PIGL: variants seen among roughly 807,000 people sequenced by gnomAD.
PIGL encodes the protein N-acetylglucosaminyl-phosphatidylinositol de-N-acetylase.
PIGL carries 22 observed loss-of-function variants against 31.1 expected under a neutral mutation model. The ratio of observed to expected loss-of-function variants is 0.71; its 90% CI spans 0.51 to 1.01. PIGL has a LOEUF of 1.01. PIGL is among the 50% of genes least tolerant of loss of function. The pLI is 0.00. For missense variants in PIGL, 302 were observed against 315.9 expected, an observed-to-expected ratio of 0.96 and a Z score of 0.33; for synonymous variants, 131 against 117.4, an observed-to-expected ratio of 1.12 and a Z score of -0.75.
chr17:16,260,510 C>G (rs1040999238), intron 2 of PIGL, among the ~76,000 whole-genome samples: 2 of 152,134 alleles, frequency 1.3e-5, no homozygotes, highest in African/African-American at 4.8e-5. Context: ...CTAAGGGCTG[C>G]AGAGATGATG....
At chr17:16,254,093 C>T (rs1396699094) in intron 2 of PIGL, among the ~76,000 whole-genome samples, 3 of 152,128 alleles carry the variant, frequency 2.0e-5, no homozygotes, top group African/African-American at 7.2e-5. Context: ...TAACACACTT[C>T]CACATTTTCC....
chr17:16,312,926 GA>G (rs767759654), intron 3 of PIGL: 6,888 of 82,720 alleles, frequency 0.083, 538 homozygotes, highest in African/African-American at 0.18. Flanking sequence ...AGGGGAGGGG[GA>G]AGGGGGGGGG....
At chr17:16,265,896 G>A (rs2092840517) in intron 2 of PIGL, among the ~76,000 whole-genome samples, 1 of 152,014 alleles carries the variant, frequency 6.6e-6, no homozygotes, top group Non-Finnish European at 1.5e-5. Flanking sequence ...AAAGTCCTGA[G>A]TATCCTGTTA....
At chr17:16,303,413 T>A (rs1452880701) in intron 3 of PIGL, among the ~76,000 whole-genome samples, 1 of 152,198 alleles carries the variant, frequency 6.6e-6, no homozygotes, top group Admixed American at 6.5e-5. Context: ...TGGAAGTCTT[T>A]CCTGTGGTGC....
At chr17:16,261,683 C>G (rs1425093335) in intron 2 of PIGL, among the ~76,000 whole-genome samples, 1 of 151,956 alleles carries the variant, frequency 6.6e-6, no homozygotes, top group Admixed American at 6.6e-5. Flanking sequence ...TGAGACCCGC[C>G]TGGAATTTGA....
At chr17:16,236,599 G>T (rs1568785343) in intron 2 of PIGL, among the ~76,000 whole-genome samples, 1 of 152,096 alleles carries the variant, frequency 6.6e-6, no homozygotes, top group Admixed American at 6.6e-5. Flanking sequence ...ACAGAGTCTT[G>T]CTCTGTTGCC....
chr17:16,271,272 T>G (rs191107654), intron 2 of PIGL, among the ~76,000 whole-genome samples: 1 of 152,286 alleles, frequency 6.6e-6, no homozygotes, highest in East Asian at 1.9e-4. Flanking sequence ...AGTCCTCAGC[T>G]CCACCTTTTG....
intron 1 of PIGL, among the ~76,000 whole-genome samples, chr17:16,226,905 C>G (rs2092654502): frequency 6.6e-6 from 1 of 152,172 alleles, no homozygotes; most frequent in African/African-American, 2.4e-5. Flanking sequence ...CATAATACCT[C>G]TCAGGATTTA....
At chr17:16,274,584 G>A (rs1018363401) in intron 2 of PIGL, among the ~76,000 whole-genome samples, 5 of 151,786 alleles carry the variant, frequency 3.3e-5, no homozygotes, top group Admixed American at 1.3e-4. Context: ...TTAGCCGGGC[G>A]TGGTGGCAGC....
chr17:16,252,566 A>G (rs2092777253), intron 2 of PIGL, among the ~76,000 whole-genome samples: 1 of 149,614 alleles, frequency 6.7e-6, no homozygotes, highest in African/African-American at 2.4e-5. Context: ...TAAAAGTTAT[A>G]TACATATAAT....
chr17:16,321,657 G>A (rs957241616), intron 6 of PIGL, among the ~76,000 whole-genome samples: 6 of 152,028 alleles, frequency 3.9e-5, no homozygotes, highest in East Asian at 1.9e-4. Context: ...TAGTGCATTC[G>A]TTTTTGTATT....
chr17:16,262,211 A>G (rs1014158474), intron 2 of PIGL, among the ~76,000 whole-genome samples: 3 of 152,192 alleles, frequency 2.0e-5, no homozygotes, highest in Non-Finnish European at 2.9e-5. Context: ...CAACAGAGTG[A>G]CACCCTGTCT....
At chr17:16,233,731 A>G (rs1232003528) in intron 1 of PIGL, among the ~76,000 whole-genome samples, 3 of 152,160 alleles carry the variant, frequency 2.0e-5, no homozygotes, top group African/African-American at 7.2e-5. Context: ...AGACAGACAG[A>G]TAGGTATATA....
chr17:16,280,499 T>A (rs1447171406), intron 2 of PIGL, among the ~76,000 whole-genome samples: 1 of 152,218 alleles, frequency 6.6e-6, no homozygotes, highest in Non-Finnish European at 1.5e-5. Flanking sequence ...ACAGACTTTA[T>A]TTTTTAGAGC....
intron 1 of PIGL, among the ~76,000 whole-genome samples, chr17:16,219,843 G>A (rs1310754655): frequency 6.6e-6 from 1 of 151,954 alleles, no homozygotes; most frequent in Admixed American, 6.6e-5. Flanking sequence ...GATTACAGGT[G>A]TGAGCCACCA....
At chr17:16,293,096 TC>T (rs1196252291) in intron 2 of PIGL, among the ~76,000 whole-genome samples, 1 of 152,246 alleles carries the variant, frequency 6.6e-6, no homozygotes, top group Non-Finnish European at 1.5e-5. Flanking sequence ...AGGAGTTTTT[TC>T]TACATTTATC....
intron 1 of PIGL, among the ~76,000 whole-genome samples, chr17:16,231,786 C>G (rs929868843): frequency 1.6e-4 from 25 of 152,066 alleles, no homozygotes; most frequent in African/African-American, 5.8e-4. Flanking sequence ...TAATGTAGTT[C>G]TACATCTAGA....
chr17:16,286,713 A>G (rs2142806390), intron 2 of PIGL, among the ~76,000 whole-genome samples: 1 of 152,250 alleles, frequency 6.6e-6, no homozygotes, highest in East Asian at 1.9e-4. Flanking sequence ...CACACTTAAA[A>G]GACTGGCAAG....
intron 2 of PIGL, among the ~76,000 whole-genome samples, chr17:16,268,608 C>T (rs2092855833): frequency 6.6e-6 from 1 of 151,922 alleles, no homozygotes; most frequent in Non-Finnish European, 1.5e-5. Context: ...GCCACCATGC[C>T]TGACTAGTTT....
Sources: allele counts gnomAD v4.1 joint callset (sites outside exome capture counted in the v4.1 genomes callset), GRCh38; gene constraint gnomAD v4.1.1; transcripts MANE v1.5; gene names NCBI Gene and HGNC (gene_info 2026-07-23, HGNC 2026-07-21).